Variants in RSPH10B2 observed in about 807,000 individuals in gnomAD.
RSPH10B2 encodes the protein radial spoke head 10 homolog B2, also known as radial spoke head 10 homolog B2 (Chlamydomonas).
Under a neutral mutation model 49.0 loss-of-function variants are expected in RSPH10B2, and 9 were observed. That is an observed-to-expected ratio of 0.18 (90% CI 0.11 to 0.32). The LOEUF (loss-of-function observed/expected upper bound fraction) is 0.32, where lower values mean the gene tolerates loss of function less well. Ranked by LOEUF, RSPH10B2 falls within the 10% of genes least tolerant of loss-of-function variation. The pLI is 1.00. For synonymous variants in RSPH10B2, 35 were observed against 210.2 expected (o/e 0.17, Z 7.21); for missense variants, 95 against 589.9 (o/e 0.16, Z 8.69).
At chr7:6,796,328 CAAAAA>C (rs1277112408) in intron 17 of RSPH10B2, among the ~76,000 whole-genome samples, 1 of 124,874 alleles carries the variant, frequency 8.0e-6, no homozygotes, top group Non-Finnish European at 1.7e-5. Context: ...AAAAAAAAAA[CAAAAA>C]AGAAAAAACG....
chr7:6,796,256 G>A (rs1782554620), intron 17 of RSPH10B2, among the ~76,000 whole-genome samples: 1 of 121,326 alleles, frequency 8.2e-6, no homozygotes, highest in South Asian at 3.7e-4. Flanking sequence ...GGAGGTTGCA[G>A]TGAGCAGAGA....
rs542733718 is a variant in RSPH10B2 at position 6,768,366 on chromosome 7, C to T, written c.781-224C>T. Among the ~76,000 whole-genome samples, 8 of 152,366 alleles carry T rather than the reference C, an allele frequency of 5.3e-5. No homozygotes were observed. In the South Asian group the frequency reaches 1.2e-3, roughly 24 times the overall value. On this transcript the variant is annotated intron_variant, in intron 6 of 18. Transcript: ENST00000297186. Reference sequence around the variant, plus strand: ...CTAACCTGAGGGGTAGGTGTCATTTCTGTTTTACAGACGAGGAACTTAGAG... The same window carrying T: ...CTAACCTGAGGGGTAGGTGTCATTTTTGTTTTACAGACGAGGAACTTAGAG...
intron 13 of RSPH10B2, among the ~76,000 whole-genome samples, chr7:6,783,559 A>C (rs1486828441): frequency 8.0e-6 from 1 of 124,566 alleles, no homozygotes; most frequent in Non-Finnish European, 1.7e-5. Flanking sequence ...TGCAACCTCA[A>C]CCTCCCAGGT....
intron 7 of RSPH10B2, among the ~76,000 whole-genome samples, chr7:6,769,754 CTTTTTT>C (rs911131827): frequency 1.3e-5 from 1 of 76,680 alleles, no homozygotes; most frequent in Admixed American, 1.7e-4. Context: ...ACGCCCGGCT[CTTTTTT>C]TTTTTTTTTT....
chr7:6,772,023 T>TG (rs1193366291), intron 8 of RSPH10B2, among the ~76,000 whole-genome samples: 1 of 133,634 alleles, frequency 7.5e-6, no homozygotes, highest in Non-Finnish European at 1.6e-5. Flanking sequence ...ATAAATAAAA[T>TG]GGAAAAAAAA....
At chr7:6,797,625 C>A (rs1157764831) in intron 18 of RSPH10B2, among the ~76,000 whole-genome samples, 1 of 152,270 alleles carries the variant, frequency 6.6e-6, no homozygotes, top group Non-Finnish European at 1.5e-5. Context: ...TTTTGGGGGG[C>A]CAAGGCAGGA....
chr7:6,756,227 A>G (rs1200978634), upstream of RSPH10B2, among the ~76,000 whole-genome samples: 2 of 140,820 alleles, frequency 1.4e-5, no homozygotes, highest in South Asian at 2.3e-4. Flanking sequence ...CCAAGATCGC[A>G]CCACCGCACT....
At chr7:6,776,928 A>AC (rs773659785) in intron 10 of RSPH10B2, among the ~76,000 whole-genome samples, 17 of 115,250 alleles carry the variant, frequency 1.5e-4, no homozygotes, top group Non-Finnish European at 1.6e-4. Flanking sequence ...CACACACACA[A>AC]AAGGCAGGGG....
At chr7:6,782,785 A>G (rs554557648) in intron 13 of RSPH10B2, among the ~76,000 whole-genome samples, 1 of 115,802 alleles carries the variant, frequency 8.6e-6, no homozygotes, top group African/African-American at 3.4e-5. Flanking sequence ...TCGGAGGCTG[A>G]GGCAGGAGAA....
At chr7:6,779,578 G>C (rs1486759926) in intron 10 of RSPH10B2, 32 bp from the exon 13 acceptor site, 1 of 308,096 alleles carries the variant, frequency 3.2e-6, no homozygotes, top group South Asian at 4.0e-5. Flanking sequence ...TCTAGCAAAT[G>C]TCAGGCATCC....
intron 17 of RSPH10B2, chr7:6,794,033 GCTCACCTTTGCTGC>G (rs1782461512): frequency 1.4e-5 from 2 of 143,096 alleles, no homozygotes; most frequent in African/African-American, 5.3e-5. Context: ...CTGTGTACAT[GCTCACCTTTGCTGC>G]TAGGCATCTT....
intron 17 of RSPH10B2, among the ~76,000 whole-genome samples, chr7:6,793,454 G>C (rs1334648577): frequency 8.6e-6 from 1 of 116,374 alleles, no homozygotes; most frequent in Non-Finnish European, 1.7e-5. Flanking sequence ...GGCCTCCCCT[G>C]TGTATCCCCC....
At chr7:6,783,835 A>AATT (rs1196918500) in intron 13 of RSPH10B2, among the ~76,000 whole-genome samples, 3 of 138,948 alleles carry the variant, frequency 2.2e-5, no homozygotes, top group Non-Finnish European at 4.7e-5. Context: ...TAATAATAAT[A>AATT]ATAATTATTA....
chr7:6,779,613 A>C, exon 11 of RSPH10B2: 1 of 379,522 alleles, frequency 2.6e-6, no homozygotes, highest in Non-Finnish European at 4.5e-6. Context: ...ATTTTAGCCA[A>C]TAATGACATA....
intron 17 of RSPH10B2, chr7:6,794,555 G>GA (rs1782502174): frequency 1.0e-5 from 1 of 96,482 alleles, no homozygotes; most frequent in Non-Finnish European, 2.0e-5. Context: ...AAATAGAACT[G>GA]AAAATGGAAC....
At position 6,781,993 on chromosome 7, in the gene RSPH10B2, A is replaced by G. The variant is rs1173107525; in HGVS notation, c.1758+517A>G. Among the ~76,000 whole-genome samples the G allele has an allele frequency of 1.2e-3, 128 of 110,872 alleles. 30 individuals are homozygous for G. The highest frequency in any genetic ancestry group is 4.4e-3 in the African/African-American group (125 of 28,314). 72.7% of individuals were successfully genotyped at this position (110,872 alleles called of 152,430 possible). Reference sequence around the variant, plus strand: ...CAATGAAGTGATCTTGGCTCACTGCAACCTCCACCTCCTGGGTTCAAGCAA... The same window carrying G: ...CAATGAAGTGATCTTGGCTCACTGCGACCTCCACCTCCTGGGTTCAAGCAA... On this transcript the variant is annotated intron_variant, in intron 13 of 18. Coordinates refer to ENST00000297186, the Ensembl canonical transcript of RSPH10B2.
At chr7:6,782,191 GGT>G (rs1368116304) in intron 13 of RSPH10B2, among the ~76,000 whole-genome samples, 2 of 142,386 alleles carry the variant, frequency 1.4e-5, no homozygotes, top group African/African-American at 5.4e-5. Context: ...CGGAATTACA[GGT>G]GTGAGACACT....
intron 7 of RSPH10B2, among the ~76,000 whole-genome samples, chr7:6,769,653 A>T (rs1212858969): frequency 8.7e-6 from 1 of 114,726 alleles, no homozygotes; most frequent in Non-Finnish European, 1.8e-5. Context: ...CAGTGGCATG[A>T]TCTCAGCTCG....
chr7:6,795,706 A>G (rs1782523893), intron 17 of RSPH10B2, among the ~76,000 whole-genome samples: 1 of 145,662 alleles, frequency 6.9e-6, no homozygotes, highest in South Asian at 2.2e-4. Context: ...GGCTGCAGTG[A>G]GCCATGATGG....
Sources: gnomAD v4.1 joint callset for allele counts (sites outside exome capture counted in the v4.1 genomes callset) on GRCh38, gnomAD v4.1.1 for gene constraint, MANE v1.5 for transcripts, NCBI Gene and HGNC (gene_info 2026-07-23, HGNC 2026-07-21) for gene names.